The following ACSS3 variants were observed in gnomAD, a reference collection of about 807,000 sequenced individuals.
ACSS3 encodes the protein acyl-CoA synthetase short chain family member 3, also known as acyl-CoA synthetase short-chain family member 3, mitochondrial.
ACSS3 carries 64 observed loss-of-function variants against 84.2 expected under a neutral mutation model. The ratio of observed to expected loss-of-function variants is 0.76; its 90% CI spans 0.62 to 0.94. The LOEUF (loss-of-function observed/expected upper bound fraction) is 0.94. Among genes scored for constraint, ACSS3 ranks in the 40% least tolerant of loss-of-function variants. ACSS3 has a pLI of 0.00. For missense variants in ACSS3, 815 were observed against 867.6 expected, an observed-to-expected ratio of 0.94 and a Z score of 0.76; for synonymous variants, 317 against 310.1, an observed-to-expected ratio of 1.02 and a Z score of -0.23.
chr12:81,116,119 C>T (rs919267525), intron 2 of ACSS3, among the ~76,000 whole-genome samples: 4 of 151,824 alleles, frequency 2.6e-5, no homozygotes, highest in Non-Finnish European at 5.9e-5. Context: ...ATATAATGTA[C>T]ACAAGCAGAA....
chr12:81,115,236 A>G (rs1166577549), intron 2 of ACSS3, among the ~76,000 whole-genome samples: 1 of 152,178 alleles, frequency 6.6e-6, no homozygotes, highest in African/African-American at 2.4e-5. Flanking sequence ...GTTGGACATG[A>G]GTAGATAGTG....
intron 2 of ACSS3, among the ~76,000 whole-genome samples, chr12:81,125,327 C>A (rs1885008120): frequency 6.6e-6 from 1 of 152,184 alleles, no homozygotes; most frequent in Non-Finnish European, 1.5e-5. Context: ...TTTAAATTTC[C>A]TTACCACACA....
intron 7 of ACSS3, among the ~76,000 whole-genome samples, chr12:81,162,744 G>C (rs965457187): frequency 7.2e-5 from 11 of 152,140 alleles, no homozygotes; most frequent in Non-Finnish European, 1.5e-4. Context: ...GGCATGTGCT[G>C]AACCATCCTC....
At position 81,260,921 on chromosome 12, in the gene ACSS3, C is replaced by T. The variant is rs1049304430; in HGVS notation, c.*5999C>T. 1 of 152,082 alleles carries T rather than the reference C, an allele frequency of 6.6e-6. No individual in the cohort carries two copies. Among genetic ancestry groups the T allele is most frequent in the Non-Finnish European group, 1.5e-5 (1 of 68,008 alleles). The allele number at this position is 152,082 out of a possible 1,614,324, so 9.4% of individuals were successfully genotyped here. ...TTGAAAAAAAATTATGAACATTTGACATTTATAAATCTAAGAAACCACAGT... is the reference window on the plus strand; with the variant it reads ...TTGAAAAAAAATTATGAACATTTGATATTTATAAATCTAAGAAACCACAGT... On this transcript the variant is annotated 3_prime_UTR_variant, in exon 16 of 16. Transcript: ENST00000548058.
At chr12:81,100,605 A>C (rs1487453442) in intron 1 of ACSS3, among the ~76,000 whole-genome samples, 5 of 152,228 alleles carry the variant, frequency 3.3e-5, no homozygotes, top group Non-Finnish European at 5.9e-5. Context: ...AGAATCTTAT[A>C]TCAGTCAGAA....
intron 8 of ACSS3, among the ~76,000 whole-genome samples, chr12:81,198,580 G>A (rs2031953968): frequency 1.3e-5 from 2 of 150,246 alleles, no homozygotes. Flanking sequence ...AGGTCCTGAG[G>A]GCATTTGAAA....
At chr12:81,083,964 A>C (rs1881157648) in intron 1 of ACSS3, among the ~76,000 whole-genome samples, 1 of 152,078 alleles carries the variant, frequency 6.6e-6, no homozygotes, top group Middle Eastern at 3.2e-3. Flanking sequence ...TCTCAAAAAA[A>C]CAAACAAGAA....
At chr12:81,117,362 G>T (rs1419665281) in intron 2 of ACSS3, among the ~76,000 whole-genome samples, 1 of 152,160 alleles carries the variant, frequency 6.6e-6, no homozygotes, top group African/African-American at 2.4e-5. Context: ...AGGTATAAGT[G>T]AAGAACAATA....
At chr12:81,210,247 TC>T (rs1159797162) in intron 9 of ACSS3, among the ~76,000 whole-genome samples, 1 of 152,166 alleles carries the variant, frequency 6.6e-6, no homozygotes, top group African/African-American at 2.4e-5. Flanking sequence ...AAATCCATCT[TC>T]TGTAACTTCT....
At chr12:81,096,440 A>G (rs908814525) in intron 1 of ACSS3, among the ~76,000 whole-genome samples, 1 of 152,182 alleles carries the variant, frequency 6.6e-6, no homozygotes, top group Non-Finnish European at 1.5e-5. Flanking sequence ...GGATACTTAA[A>G]AGCGGACATG....
chr12:81,084,670 GAAA>G (rs200284266), intron 1 of ACSS3, among the ~76,000 whole-genome samples: 6 of 150,180 alleles, frequency 4.0e-5, no homozygotes, highest in Non-Finnish European at 5.9e-5. Context: ...AAAAGTGGGA[GAAA>G]AAAAAACTAT....
At chr12:81,119,972 C>T (rs1183113844) in intron 2 of ACSS3, among the ~76,000 whole-genome samples, 1 of 152,094 alleles carries the variant, frequency 6.6e-6, no homozygotes, top group Non-Finnish European at 1.5e-5. Flanking sequence ...AATTTTTGTT[C>T]CTCTGCCGTG....
At chr12:81,224,293 AT>A (rs1159323817) in intron 11 of ACSS3, among the ~76,000 whole-genome samples, 3 of 151,928 alleles carry the variant, frequency 2.0e-5, no homozygotes, top group South Asian at 2.1e-4. Context: ...ACAGAAAAAA[AT>A]ATTCTTTTTC....
intron 1 of ACSS3, among the ~76,000 whole-genome samples, chr12:81,106,816 C>T (rs1055302252): frequency 4.6e-5 from 7 of 151,964 alleles, no homozygotes; most frequent in African/African-American, 1.7e-4. Context: ...AGTGAGAGAA[C>T]CAAACCATTA....
At chr12:81,242,931 C>A (rs1192833254) in intron 13 of ACSS3, among the ~76,000 whole-genome samples, 2 of 152,104 alleles carry the variant, frequency 1.3e-5, no homozygotes, top group Admixed American at 1.3e-4. Context: ...TGGAAGCATT[C>A]CCTTTGCAAA....
At chr12:81,080,482 T>C (rs1330229956) in intron 1 of ACSS3, among the ~76,000 whole-genome samples, 1 of 151,978 alleles carries the variant, frequency 6.6e-6, no homozygotes, top group African/African-American at 2.4e-5. Flanking sequence ...AGTCTTGAAC[T>C]CATGCCCAGA....
intron 1 of ACSS3, among the ~76,000 whole-genome samples, chr12:81,106,435 G>A: frequency 6.6e-6 from 1 of 152,108 alleles, no homozygotes; most frequent in East Asian, 1.9e-4. Context: ...ATGGTGAGTT[G>A]TATAATTATT....
chr12:81,183,950 C>A (rs1264683703), intron 8 of ACSS3, among the ~76,000 whole-genome samples: 1 of 151,830 alleles, frequency 6.6e-6, no homozygotes, highest in Non-Finnish European at 1.5e-5. Context: ...CCCTAACAGA[C>A]ATATACAGAA....
intron 9 of ACSS3, among the ~76,000 whole-genome samples, chr12:81,215,097 GA>G (rs1005289409): frequency 6.6e-6 from 1 of 152,092 alleles, no homozygotes; most frequent in East Asian, 1.9e-4. Flanking sequence ...GGACATTTCT[GA>G]AAAAACAGAG....
Sources: gnomAD v4.1 joint callset for allele counts (sites outside exome capture counted in the v4.1 genomes callset) on GRCh38, gnomAD v4.1.1 for gene constraint, MANE v1.5 for transcripts, NCBI Gene and HGNC (gene_info 2026-07-23, HGNC 2026-07-21) for gene names.